Variants in COL5A2 observed in about 807,000 individuals in gnomAD.
COL5A2 encodes the protein collagen alpha-2(V) chain.
Under a neutral mutation model 208.2 loss-of-function variants are expected in COL5A2, and 23 were observed. The ratio of observed to expected loss-of-function variants is 0.11; its 90% CI spans 0.08 to 0.16. The LOEUF is 0.16. COL5A2 is among the 10% of genes least tolerant of loss of function. COL5A2 has a pLI of 1.00. For synonymous variants in COL5A2, 625 were observed against 628.5 expected (o/e 0.99, Z 0.08); for missense variants, 1,590 against 1,956.4 (o/e 0.81, Z 3.53).
chr2:189,377,065 C>T, the COL5A2 span, among the ~76,000 whole-genome samples: 2 of 152,076 alleles, frequency 1.3e-5, no homozygotes, highest in Non-Finnish European at 2.9e-5. Context: ...TAATCAAGGC[C>T]CTTTATAATC....
chr2:189,321,325 G>T, the COL5A2 span, among the ~76,000 whole-genome samples: 1 of 152,178 alleles, frequency 6.6e-6, no homozygotes, highest in South Asian at 2.1e-4. Flanking sequence ...AATATTAACT[G>T]TAAATGTAAA....
chr2:189,322,184 A>G, the COL5A2 span, among the ~76,000 whole-genome samples: 1 of 152,250 alleles, frequency 6.6e-6, no homozygotes, highest in African/African-American at 2.4e-5. Flanking sequence ...AGCAGTGTGT[A>G]GAGGGAAATT....
chr2:189,049,570 C>A lies in COL5A2; in HGVS notation c.3040-116G>T, dbSNP rs182791186. ...GGCTCCTTCTATAATAATAATTTTG[C>A]ATTATCTTACAACACTCATGTAATC... On this transcript the variant is annotated intron_variant, in intron 43 of 53. Transcript: ENST00000374866. 1.3e-5 allele frequency: 10 copies of A among 776,198 alleles called. No homozygotes were observed. The East Asian group carries it at 1.9e-4, about 15-fold the overall frequency. The allele number at this position is 776,198 out of a possible 1,614,324, so 48.1% of individuals were successfully genotyped here.
the COL5A2 span, among the ~76,000 whole-genome samples, chr2:189,387,139 A>G: frequency 2.0e-5 from 3 of 152,178 alleles, no homozygotes; most frequent in Non-Finnish European, 4.4e-5. Context: ...CAGTCATAAA[A>G]AAGAATGAAA....
chr2:189,093,121 T>G (rs1250029435), intron 6 of COL5A2, among the ~76,000 whole-genome samples: 1 of 152,172 alleles, frequency 6.6e-6, no homozygotes, highest in Non-Finnish European at 1.5e-5. Flanking sequence ...GAGCAATGAT[T>G]TCTAGCTGCC....
At chr2:189,129,693 T>C (rs1576545364) in intron 1 of COL5A2, among the ~76,000 whole-genome samples, 2 of 152,174 alleles carry the variant, frequency 1.3e-5, no homozygotes, top group Middle Eastern at 3.4e-3. Flanking sequence ...ATCTGTATCA[T>C]ACATCCATTT....
At chr2:189,291,229 T>A in the COL5A2 span, among the ~76,000 whole-genome samples, 2 of 152,096 alleles carry the variant, frequency 1.3e-5, no homozygotes, top group African/African-American at 2.4e-5. Flanking sequence ...CTTAAGAGAT[T>A]TAAATAGATG....
At chr2:189,297,509 A>T in the COL5A2 span, among the ~76,000 whole-genome samples, 2 of 152,218 alleles carry the variant, frequency 1.3e-5, no homozygotes, top group Non-Finnish European at 2.9e-5. Context: ...TTTTTAATTT[A>T]AAAATTGATA....
chr2:189,353,220 C>T, the COL5A2 span, among the ~76,000 whole-genome samples: 4 of 152,072 alleles, frequency 2.6e-5, no homozygotes, highest in Non-Finnish European at 4.4e-5. Context: ...AGTCAGGTAG[C>T]GTGATGCCTC....
At position 189,210,752 on chromosome 2, in the gene COL5A2, T is replaced by C. The variant is rs142358050; in HGVS notation, c.-42+14396A>G. ...TTAAGCATCATCTGGTCTTTATAAC[T>C]CATTTTGTCCAGATTAGTATAAACT... On this transcript the variant is annotated intron_variant, in intron 1 of 10. Transcript: ENST00000649966. 6.6e-3 allele frequency among the ~76,000 whole-genome samples: 1,006 copies of C among 152,324 alleles called. 13 individuals are homozygous for C. The highest frequency in any genetic ancestry group is 0.022 in the African/African-American group (933 of 41,570).
chr2:189,034,604 G>T (rs1187641347), intron 53 of COL5A2, among the ~76,000 whole-genome samples: 1 of 152,130 alleles, frequency 6.6e-6, no homozygotes, highest in African/African-American at 2.4e-5. Context: ...ACGCATTTTA[G>T]AAATAAGGAA....
chr2:189,270,556 T>C, the COL5A2 span, among the ~76,000 whole-genome samples: 2 of 152,296 alleles, frequency 1.3e-5, no homozygotes, highest in South Asian at 4.1e-4. Context: ...TTCTTAATCC[T>C]GAGTTCTAAT....
intron 3 of COL5A2, among the ~76,000 whole-genome samples, chr2:189,103,772 T>C (rs180739335): frequency 2.0e-5 from 3 of 152,062 alleles, no homozygotes; most frequent in Admixed American, 2.0e-4. Flanking sequence ...TTTGGTAAAA[T>C]GTTCAATTAA....
the COL5A2 span, among the ~76,000 whole-genome samples, chr2:189,316,974 G>T: frequency 1.1e-4 from 17 of 152,108 alleles, no homozygotes; most frequent in African/African-American, 4.1e-4. Context: ...CACATTGCAT[G>T]CCTGTATCAA....
chr2:189,241,957 A>T, the COL5A2 span, among the ~76,000 whole-genome samples: 3 of 152,156 alleles, frequency 2.0e-5, 1 homozygote, highest in East Asian at 1.9e-4. Flanking sequence ...CTTTGACCAC[A>T]GTGAGGGTGA....
chr2:189,122,178 A>G (rs943780313), intron 1 of COL5A2, among the ~76,000 whole-genome samples: 9 of 152,254 alleles, frequency 5.9e-5, no homozygotes, highest in African/African-American at 2.2e-4. Context: ...TTCTTCAATG[A>G]CCACAATTAG....
intron 1 of COL5A2, among the ~76,000 whole-genome samples, chr2:189,222,519 A>G (rs1011377883): frequency 6.6e-6 from 1 of 152,164 alleles, no homozygotes; most frequent in Non-Finnish European, 1.5e-5. Context: ...ATATCCTCCT[A>G]TCCAGGAAAG....
the COL5A2 span, among the ~76,000 whole-genome samples, chr2:189,383,536 T>C: frequency 1.3e-4 from 20 of 152,286 alleles, no homozygotes; most frequent in Middle Eastern, 3.4e-3. Flanking sequence ...TAAGATAATA[T>C]AGACAAGAAA....
chr2:189,206,024 G>A (rs899966385), intron 1 of COL5A2, among the ~76,000 whole-genome samples: 11 of 152,108 alleles, frequency 7.2e-5, no homozygotes, highest in African/African-American at 2.4e-5. Context: ...TAAACTTTTC[G>A]ATGATTACTA....
Sources: allele counts gnomAD v4.1 joint callset (sites outside exome capture counted in the v4.1 genomes callset), GRCh38; gene constraint gnomAD v4.1.1; transcripts MANE v1.5; gene names NCBI Gene and HGNC (gene_info 2026-07-23, HGNC 2026-07-21).